Variants in FARS2 observed in about 807,000 individuals in gnomAD.
FARS2 encodes phenylalanyl-tRNA synthetase 2, mitochondrial.
Under a neutral mutation model 46.4 loss-of-function variants are expected in FARS2, and 40 were observed. The ratio of observed to expected loss-of-function variants is 0.86; its 90% CI spans 0.67 to 1.12. The LOEUF (loss-of-function observed/expected upper bound fraction) is 1.12. Ranked by LOEUF, FARS2 falls within the 50% of genes most tolerant of loss-of-function variation. FARS2 has a pLI of 0.00. For missense variants in FARS2, 513 were observed against 567.9 expected (o/e 0.90, Z 0.98); for synonymous variants, 234 against 214.9 (o/e 1.09, Z -0.78).
intron 5 of FARS2, among the ~76,000 whole-genome samples, chr6:5,549,346 G>T (rs571229131): frequency 6.6e-6 from 1 of 152,014 alleles, no homozygotes. Context: ...CCCACTCCAC[G>T]ACAGACCCTG....
At position 5,321,009 on chromosome 6, in the gene FARS2, G is replaced by A. The variant is rs150679847; in HGVS notation, c.-21-47541G>A. Among the ~76,000 whole-genome samples the A allele has an allele frequency of 3.1e-3, 469 of 152,290 alleles. 4 individuals carry two copies. The highest frequency in any genetic ancestry group is 0.011 in the African/African-American group (440 of 41,544). The stretch of plus-strand genomic sequence containing the variant: ...AGCTGGCTGAATTTTGCAAGAGAAA[G>A]TTACATAAGATTCATCTCTCAACTA... On this transcript the variant is annotated intron_variant, in intron 1 of 6. Transcript: ENST00000274680.
At chr6:5,527,202 G>A (rs1039313208) in intron 4 of FARS2, among the ~76,000 whole-genome samples, 1 of 152,216 alleles carries the variant, frequency 6.6e-6, no homozygotes, top group African/African-American at 2.4e-5. Context: ...AGCTGGAACT[G>A]ACCCTGTAAG....
chr6:5,499,027 A>G (rs914705667), intron 4 of FARS2, among the ~76,000 whole-genome samples: 1 of 152,162 alleles, frequency 6.6e-6, no homozygotes. Flanking sequence ...CCTCCTGAGT[A>G]GCTGGGATTA....
intron 4 of FARS2, among the ~76,000 whole-genome samples, chr6:5,504,056 G>A (rs1341874678): frequency 6.6e-6 from 1 of 152,172 alleles, no homozygotes; most frequent in Non-Finnish European, 1.5e-5. Context: ...CCAGCTAGAA[G>A]ATATTGCCGT....
chr6:5,531,303 T>G (rs931488622), intron 4 of FARS2, among the ~76,000 whole-genome samples: 3 of 152,138 alleles, frequency 2.0e-5, no homozygotes, highest in African/African-American at 7.2e-5. Context: ...GGACCAACAC[T>G]TTCTACACAT....
chr6:5,613,127 A>G (rs1201411843), intron 5 of FARS2, 42 bp from the exon 6 acceptor site: 1 of 1,558,364 alleles, frequency 6.4e-7, no homozygotes, highest in South Asian at 1.2e-5. Context: ...ATTCTCATTC[A>G]ACTAACAAGT....
chr6:5,645,395 A>G (rs1777026374), intron 6 of FARS2, among the ~76,000 whole-genome samples: 1 of 152,208 alleles, frequency 6.6e-6, no homozygotes, highest in Non-Finnish European at 1.5e-5. Flanking sequence ...TTTGAATATT[A>G]CCTTGGAAGA....
At chr6:5,308,847 G>A (rs746939593) in intron 1 of FARS2, among the ~76,000 whole-genome samples, 1 of 152,204 alleles carries the variant, frequency 6.6e-6, no homozygotes, top group Non-Finnish European at 1.5e-5. Flanking sequence ...CAAGGCTGGG[G>A]AGTCCAAGAT....
chr6:5,455,344 G>T (rs183691094), intron 4 of FARS2, among the ~76,000 whole-genome samples: 92 of 152,238 alleles, frequency 6.0e-4, no homozygotes, highest in African/African-American at 2.2e-3. Flanking sequence ...TTGAAGCTTG[G>T]GTATGTGTTA....
intron 4 of FARS2, among the ~76,000 whole-genome samples, chr6:5,488,790 G>T (rs768664776): frequency 6.6e-6 from 1 of 152,000 alleles, no homozygotes; most frequent in Admixed American, 6.6e-5. Context: ...TTCATACTCC[G>T]CATATCTAAA....
At chr6:5,705,333 C>T (rs1472285159) in intron 6 of FARS2, among the ~76,000 whole-genome samples, 1 of 152,074 alleles carries the variant, frequency 6.6e-6, no homozygotes, top group Non-Finnish European at 1.5e-5. Flanking sequence ...GAGTGAGCTG[C>T]TGGCAAAATT....
At chr6:5,688,402 T>C (rs1757420401) in intron 6 of FARS2, among the ~76,000 whole-genome samples, 1 of 152,228 alleles carries the variant, frequency 6.6e-6, no homozygotes, top group Admixed American at 6.5e-5. Context: ...TGAGAGTTTT[T>C]AGCATGAAGT....
intron 1 of FARS2, among the ~76,000 whole-genome samples, chr6:5,285,599 A>G (rs1056414356): frequency 2.0e-5 from 3 of 152,202 alleles, no homozygotes; most frequent in African/African-American, 7.2e-5. Flanking sequence ...TGCATCAGCA[A>G]GTGCATTCTC....
At chr6:5,260,934 G>C (rs1402823172), upstream of FARS2, 1 of 1,352,638 alleles carries the variant, frequency 7.4e-7, no homozygotes, top group Non-Finnish European at 9.5e-7. Context: ...CTTCGGGGGC[G>C]GGCGCAGGCA....
rs1554106820 is a variant in FARS2, at chr6:5,539,396, A to ATATG, written c.905-5780_905-5777dup. On this transcript the variant is annotated intron_variant, in intron 4 of 6. Transcript: ENST00000274680. Reference sequence around the variant, plus strand: ...TAATTTTTTTTGTGTATATATATATATATGTATATATTTTTTTAGTAGAGA... The same window carrying ATATG: ...TAATTTTTTTTGTGTATATATATATATATGTATGTATATATTTTTTTAGTAGAGA... Among the ~76,000 whole-genome samples, 42 of 136,506 alleles carry ATATG rather than the reference A, an allele frequency of 3.1e-4. 4 individuals are homozygous for ATATG. The highest frequency in any genetic ancestry group is 1.2e-3 in the African/African-American group (41 of 33,788). The allele number at this position is 136,506 out of a possible 152,430, so 89.6% of individuals were successfully genotyped here. A position where few individuals can be genotyped will look rare whatever the true frequency, so the allele number is the denominator to read the frequency against.
Position 5,413,440 on chromosome 6 carries a change from A to C in FARS2, c.772+8739A>C, listed in dbSNP as rs1317452611. Reference sequence around the variant, plus strand: ...TTGCAAACTATTTTTACTGGTACTAATAACTCTCAGGTGGTTGGTATACAG... The same window carrying C: ...TTGCAAACTATTTTTACTGGTACTACTAACTCTCAGGTGGTTGGTATACAG... On this transcript the variant is annotated intron_variant, in intron 3 of 6. Transcript: ENST00000274680. Among the ~76,000 whole-genome samples, 3 of 152,280 alleles carry C rather than the reference A, an allele frequency of 2.0e-5. No individual in the cohort carries two copies. The East Asian group carries it at 5.8e-4, about 29-fold the overall frequency.
intron 4 of FARS2, among the ~76,000 whole-genome samples, chr6:5,489,800 G>A (rs1001966826): frequency 5.9e-5 from 9 of 152,160 alleles, no homozygotes; most frequent in East Asian, 3.8e-4. Context: ...GTGAACTTAC[G>A]TTGGAATAAA....
intron 1 of FARS2, among the ~76,000 whole-genome samples, chr6:5,262,628 C>T (rs1005007541): frequency 3.9e-5 from 6 of 152,130 alleles, no homozygotes; most frequent in Non-Finnish European, 7.3e-5. Context: ...CTGACCTTAC[C>T]ATTCTTTAGT....
chr6:5,652,427 G>T (rs1777412878), intron 6 of FARS2, among the ~76,000 whole-genome samples: 1 of 152,216 alleles, frequency 6.6e-6, no homozygotes, highest in Non-Finnish European at 1.5e-5. Flanking sequence ...TAAATACCTG[G>T]TAGTACTGTC....
Sources: allele counts gnomAD v4.1 joint callset (sites outside exome capture counted in the v4.1 genomes callset), GRCh38; gene constraint gnomAD v4.1.1; transcripts MANE v1.5; gene names NCBI Gene and HGNC (gene_info 2026-07-23, HGNC 2026-07-21).